The following NRXN3 variants were observed in gnomAD, a reference collection of about 807,000 sequenced individuals.
NRXN3 encodes the protein neurexin III.
NRXN3 carries 32 observed loss-of-function variants against 137.6 expected under a neutral mutation model. The ratio of observed to expected loss-of-function variants is 0.23; its 90% CI spans 0.18 to 0.31. The LOEUF (loss-of-function observed/expected upper bound fraction) is 0.31, where lower values mean the gene tolerates loss of function less well. Among genes scored for constraint, NRXN3 ranks in the 10% least tolerant of loss-of-function variants. NRXN3 has a pLI of 1.00. For synonymous variants in NRXN3, 798 were observed against 784.5 expected (o/e 1.02, Z -0.29); for missense variants, 1,574 against 2,062.5 (o/e 0.76, Z 4.59).
At chr14:78,926,637 T>G (rs935202503) in intron 10 of NRXN3, among the ~76,000 whole-genome samples, 2 of 104,892 alleles carry the variant, frequency 1.9e-5, no homozygotes, top group Non-Finnish European at 3.8e-5. Context: ...ATATAATATA[T>G]ATTTATATAT....
intron 15 of NRXN3, among the ~76,000 whole-genome samples, chr14:79,092,215 T>G (rs1430318731): frequency 6.6e-6 from 1 of 152,186 alleles, no homozygotes; most frequent in Non-Finnish European, 1.5e-5. Context: ...AGTTGACTAT[T>G]AGGATACAGG....
rs377024523 is a variant in NRXN3 at position 78,782,449 on chromosome 14, C to T, written c.2045-21171C>T. Among the ~76,000 whole-genome samples, 56 of 152,268 alleles carry T rather than the reference C, an allele frequency of 3.7e-4. 1 individual carries two copies. Among genetic ancestry groups the T allele is most frequent in the South Asian group, 2.7e-3 (13 of 4,830 alleles). On this transcript the variant is annotated intron_variant, in intron 8 of 20. Coordinates refer to ENST00000335750, the MANE Select transcript of NRXN3 (RefSeq NM_001330195.2). ...TGTCAGTGAAAACTCTGAAAAACAA[C>T]GCCTCTGGTTGGAAAGGAATCAAAT...
At chr14:78,660,028 T>C (rs1195992390) in intron 6 of NRXN3, among the ~76,000 whole-genome samples, 1 of 151,938 alleles carries the variant, frequency 6.6e-6, no homozygotes, top group Admixed American at 6.6e-5. Flanking sequence ...CAGGGATACA[T>C]TTGAGGCTTA....
intron 19 of NRXN3, among the ~76,000 whole-genome samples, chr14:79,768,608 C>T (rs1389742004): frequency 6.6e-6 from 1 of 152,136 alleles, no homozygotes; most frequent in Non-Finnish European, 1.5e-5. Flanking sequence ...ACATCCACAC[C>T]AAAAACCCAT....
chr14:79,416,425 A>G (rs1466159137), intron 15 of NRXN3, among the ~76,000 whole-genome samples: 3 of 152,154 alleles, frequency 2.0e-5, no homozygotes, highest in African/African-American at 7.2e-5. Flanking sequence ...AAGCTATCTC[A>G]TAGTTCTTGT....
intron 9 of NRXN3, among the ~76,000 whole-genome samples, chr14:78,809,679 G>A (rs1262124555): frequency 6.6e-6 from 1 of 152,172 alleles, no homozygotes; most frequent in Non-Finnish European, 1.5e-5. Context: ...TGGCAAGTGT[G>A]CCTATGCAAA....
At chr14:79,823,963 T>G (rs984059111) in intron 20 of NRXN3, 2 of 432,248 alleles carry the variant, frequency 4.6e-6, no homozygotes, top group Non-Finnish European at 9.6e-6. Context: ...AGCTATCCTG[T>G]AAATGACCCA....
chr14:78,413,748 C>T (rs2092971702), intron 4 of NRXN3, among the ~76,000 whole-genome samples: 1 of 151,944 alleles, frequency 6.6e-6, no homozygotes, highest in Non-Finnish European at 1.5e-5. Context: ...GGGATGAGTG[C>T]ACTTGCCAGG....
intron 15 of NRXN3, among the ~76,000 whole-genome samples, chr14:79,450,253 A>C (rs2096144091): frequency 6.6e-6 from 1 of 152,136 alleles, no homozygotes; most frequent in African/African-American, 2.4e-5. Flanking sequence ...AGAAGTACAT[A>C]GTAGAATAGT....
chr14:79,100,585 A>G (rs983116416), intron 15 of NRXN3, among the ~76,000 whole-genome samples: 1 of 152,020 alleles, frequency 6.6e-6, no homozygotes, highest in Non-Finnish European at 1.5e-5. Context: ...TAACAGAAAC[A>G]TATTCCTGAA....
At chr14:79,237,066 G>A (rs2073502340) in intron 15 of NRXN3, among the ~76,000 whole-genome samples, 1 of 150,694 alleles carries the variant, frequency 6.6e-6, no homozygotes, top group South Asian at 2.1e-4. Flanking sequence ...TATACTGTAT[G>A]GTGTCACAAG....
intron 4 of NRXN3, among the ~76,000 whole-genome samples, chr14:78,554,791 A>C (rs1248387947): frequency 6.6e-6 from 1 of 152,134 alleles, no homozygotes; most frequent in Non-Finnish European, 1.5e-5. Context: ...GATCAACACT[A>C]GGCAAGGTAC....
intron 4 of NRXN3, among the ~76,000 whole-genome samples, chr14:78,300,044 C>T (rs964745494): frequency 2.6e-5 from 4 of 152,150 alleles, no homozygotes; most frequent in Non-Finnish European, 5.9e-5. Flanking sequence ...CCTAAAAAAC[C>T]GATACTCTTC....
At chr14:78,197,063 G>T (rs755150298) in intron 1 of NRXN3, among the ~76,000 whole-genome samples, 1 of 152,184 alleles carries the variant, frequency 6.6e-6, no homozygotes, top group African/African-American at 2.4e-5. Flanking sequence ...AGACCCTCCT[G>T]CTCCACAAAC....
intron 15 of NRXN3, among the ~76,000 whole-genome samples, chr14:79,137,723 C>T (rs2058386231): frequency 6.6e-6 from 1 of 152,160 alleles, no homozygotes; most frequent in Non-Finnish European, 1.5e-5. Flanking sequence ...ACCAGGATAT[C>T]ATAGCTTAAA....
rs1026522270 is a variant in NRXN3, at chr14:78,456,510, A to G, written c.757+158650A>G. Reference sequence around the variant, plus strand: ...TTCACACTTTTAAAAACCTATCACTAACTTTCTTTTTCTAGCGTACTATGC... The same window carrying G: ...TTCACACTTTTAAAAACCTATCACTGACTTTCTTTTTCTAGCGTACTATGC... On this transcript the variant is annotated intron_variant, in intron 4 of 20. Coordinates refer to ENST00000335750, the MANE Select transcript of NRXN3 (RefSeq NM_001330195.2). 3.3e-5 allele frequency among the ~76,000 whole-genome samples: 5 copies of G among 152,250 alleles called. No homozygotes were observed. In the South Asian group the frequency reaches 8.3e-4, roughly 25 times the overall value.
At chr14:78,869,384 T>G (rs1219436278) in intron 10 of NRXN3, among the ~76,000 whole-genome samples, 5 of 152,170 alleles carry the variant, frequency 3.3e-5, no homozygotes, top group Non-Finnish European at 7.3e-5. Context: ...ATCATCCAGA[T>G]TATTTAAAAC....
intron 15 of NRXN3, among the ~76,000 whole-genome samples, chr14:79,436,882 T>C (rs1446812314): frequency 6.6e-6 from 1 of 152,184 alleles, no homozygotes; most frequent in Admixed American, 6.5e-5. Flanking sequence ...CTCCGTTATC[T>C]ACCTCCAGGC....
chr14:79,571,090 A>T (rs1241790786), intron 16 of NRXN3, among the ~76,000 whole-genome samples: 2 of 152,158 alleles, frequency 1.3e-5, no homozygotes, highest in East Asian at 1.9e-4. Flanking sequence ...ATTTAAACTC[A>T]TCAGGGACCA....
Sources: gnomAD v4.1 joint callset for allele counts (sites outside exome capture counted in the v4.1 genomes callset) on GRCh38, gnomAD v4.1.1 for gene constraint, MANE v1.5 for transcripts, NCBI Gene and HGNC (gene_info 2026-07-23, HGNC 2026-07-21) for gene names.